FAM107B: variants seen among roughly 807,000 people sequenced by gnomAD.
FAM107B encodes the protein protein FAM107B.
Under a neutral mutation model 31.5 loss-of-function variants are expected in FAM107B, and 21 were observed. The observed-to-expected ratio is 0.67, with a 90% CI of 0.47 to 0.96. The LOEUF (loss-of-function observed/expected upper bound fraction) is 0.96, where lower values mean the gene tolerates loss of function less well. Ranked by LOEUF, FAM107B falls within the 40% of genes least tolerant of loss-of-function variation. The pLI is 0.00. For synonymous variants in FAM107B, 157 were observed against 141.5 expected, an observed-to-expected ratio of 1.11 and a Z score of -0.78; for missense variants, 452 against 377.1, an observed-to-expected ratio of 1.20 and a Z score of -1.64.
chr10:14,708,883 A>G (rs938308948), intron 1 of FAM107B, among the ~76,000 whole-genome samples: 7 of 128,180 alleles, frequency 5.5e-5, no homozygotes, highest in African/African-American at 1.9e-4. Flanking sequence ...ATATGAAAAG[A>G]TGCTCAATAT....
chr10:14,712,626 A>AAAAAAAAAAGAAG (rs1554851690), intron 1 of FAM107B, among the ~76,000 whole-genome samples: 4 of 146,852 alleles, frequency 2.7e-5, no homozygotes, highest in Non-Finnish European at 4.5e-5. Context: ...AACAAAAAAA[A>AAAAAAAAAAGAAG]AAGAAGAAGA....
chr10:14,554,686 C>T (rs7919989), intron 2 of FAM107B, among the ~76,000 whole-genome samples: 73,364 of 152,000 alleles, frequency 0.48, 17,921 homozygotes, highest in South Asian at 0.63. Flanking sequence ...GAAGTACCAG[C>T]ACCAAGCAGC....
intron 2 of FAM107B, chr10:14,556,523 G>A (rs1489913807): frequency 1.1e-5 from 6 of 557,672 alleles, no homozygotes; most frequent in Middle Eastern, 9.0e-4. Flanking sequence ...AAACAAAGCC[G>A]TGCGCAACGT....
At chr10:14,624,674 G>A (rs1050037883) in intron 2 of FAM107B, among the ~76,000 whole-genome samples, 4 of 152,116 alleles carry the variant, frequency 2.6e-5, no homozygotes, top group African/African-American at 9.7e-5. Flanking sequence ...CAAAGAACTT[G>A]AACGTCCCTG....
chr10:14,725,253 G>T (rs1381158821), intron 1 of FAM107B, among the ~76,000 whole-genome samples: 1 of 152,166 alleles, frequency 6.6e-6, no homozygotes, highest in African/African-American at 2.4e-5. Context: ...AACTCTACTT[G>T]CAAGTAGAGA....
chr10:14,706,980 C>T (rs1236897157), intron 1 of FAM107B, among the ~76,000 whole-genome samples: 1 of 152,006 alleles, frequency 6.6e-6, no homozygotes, highest in East Asian at 1.9e-4. Context: ...GAAAAATTAG[C>T]AGAGTGTGGT....
In FAM107B at chr10:14,518,773, T is replaced by C. The variant is rs1364539746; in HGVS notation, c.*2417A>G. 3.3e-5 allele frequency: 5 copies of C among 152,648 alleles called. No homozygotes were observed. The highest frequency in any genetic ancestry group is 7.3e-5 in the Non-Finnish European group (5 of 68,048). The allele number at this position is 152,648 out of a possible 1,614,324, so 9.5% of individuals were successfully genotyped here. A position where few individuals can be genotyped will look rare whatever the true frequency, so the allele number is the denominator to read the frequency against. On this transcript the variant is annotated 3_prime_UTR_variant, in exon 5 of 5. Transcript: ENST00000181796. ...TTCAGAGTAGAAGAATAAAGTCGACTGTTATAGCTTAGAAAGCAACACTAC... is the reference window on the plus strand; with the variant it reads ...TTCAGAGTAGAAGAATAAAGTCGACCGTTATAGCTTAGAAAGCAACACTAC...
intron 2 of FAM107B, among the ~76,000 whole-genome samples, chr10:14,637,180 G>T (rs1853521273): frequency 6.6e-6 from 1 of 152,048 alleles, no homozygotes; most frequent in African/African-American, 2.4e-5. Flanking sequence ...GGCTTCACGA[G>T]GGTCTTATTT....
At chr10:14,643,977 T>G (rs142490565) in intron 2 of FAM107B, among the ~76,000 whole-genome samples, 1 of 152,276 alleles carries the variant, frequency 6.6e-6, no homozygotes, top group Non-Finnish European at 1.5e-5. Flanking sequence ...GCTGTCCAAT[T>G]GAAGAATTTT....
chr10:14,674,994 G>A (rs757438229), intron 1 of FAM107B, among the ~76,000 whole-genome samples: 10 of 152,136 alleles, frequency 6.6e-5, no homozygotes, highest in African/African-American at 1.9e-4. Context: ...GCTTGTCCAC[G>A]TATGTTTTTA....
At chr10:14,638,919 G>A (rs576284374) in intron 2 of FAM107B, among the ~76,000 whole-genome samples, 90 of 152,154 alleles carry the variant, frequency 5.9e-4, no homozygotes, top group African/African-American at 2.0e-3. Flanking sequence ...GTCCAGGCAC[G>A]GTGGCTCACA....
At chr10:14,553,966 A>C in intron 2 of FAM107B, 1 of 227,976 alleles carries the variant, frequency 4.4e-6, no homozygotes, top group Non-Finnish European at 7.3e-6. Flanking sequence ...CAGGGGGCTC[A>C]GGTAGCTTTC....
At chr10:14,631,524 A>T (rs1328920810) in intron 2 of FAM107B, among the ~76,000 whole-genome samples, 2 of 152,188 alleles carry the variant, frequency 1.3e-5, no homozygotes, top group African/African-American at 2.4e-5. Flanking sequence ...CCAGATCAGA[A>T]TTGACTGTGA....
chr10:14,638,962 G>A (rs922071587), intron 2 of FAM107B, among the ~76,000 whole-genome samples: 1 of 152,108 alleles, frequency 6.6e-6, no homozygotes, highest in Non-Finnish European at 1.5e-5. Flanking sequence ...AGGCTGAGGT[G>A]GGAGGATTGC....
At chr10:14,567,829 T>A (rs1246491501) in intron 2 of FAM107B, among the ~76,000 whole-genome samples, 1 of 152,216 alleles carries the variant, frequency 6.6e-6, no homozygotes, top group Non-Finnish European at 1.5e-5. Context: ...AAGCGGTTCC[T>A]GGTATTAACA....
chr10:14,657,423 G>C (rs1236791332), intron 2 of FAM107B, among the ~76,000 whole-genome samples: 1 of 152,146 alleles, frequency 6.6e-6, no homozygotes, highest in Non-Finnish European at 1.5e-5. Context: ...AAATAGGCAG[G>C]CCAGGAAGTC....
intron 1 of FAM107B, chr10:14,723,131 T>G (rs1466163916): frequency 2.3e-6 from 1 of 433,158 alleles, no homozygotes; most frequent in African/African-American, 2.0e-5. Flanking sequence ...CCATCAGACT[T>G]GTGTCCACGT....
At chr10:14,689,077 C>T (rs1271368350) in intron 1 of FAM107B, among the ~76,000 whole-genome samples, 2 of 152,172 alleles carry the variant, frequency 1.3e-5, no homozygotes, top group African/African-American at 2.4e-5. Flanking sequence ...GTGGGAAATA[C>T]GAGAACCAAC....
intron 1 of FAM107B, among the ~76,000 whole-genome samples, chr10:14,726,656 G>A (rs1251793976): frequency 2.0e-4 from 31 of 152,130 alleles, no homozygotes; most frequent in Admixed American, 2.0e-3. Context: ...ATCCTATGTA[G>A]GAAGTATTGC....
Sources: gnomAD v4.1 joint callset for allele counts (sites outside exome capture counted in the v4.1 genomes callset) on GRCh38, gnomAD v4.1.1 for gene constraint, MANE v1.5 for transcripts, NCBI Gene and HGNC (gene_info 2026-07-23, HGNC 2026-07-21) for gene names.